LRP1B: variants seen among roughly 807,000 people sequenced by gnomAD.
The protein encoded by LRP1B is LDL receptor related protein 1B, also known as low-density lipoprotein receptor-related protein 1B.
LRP1B carries 217 observed loss-of-function variants against 556.6 expected under a neutral mutation model. That is an observed-to-expected ratio of 0.39 (90% CI 0.35 to 0.44). The LOEUF (loss-of-function observed/expected upper bound fraction) is 0.44. LRP1B is among the 20% of genes least tolerant of loss of function. LRP1B has a pLI of 1.00. For missense variants in LRP1B, 5,053 were observed against 5,620.8 expected, an observed-to-expected ratio of 0.90 and a Z score of 3.23; for synonymous variants, 2,047 against 1,865.8, an observed-to-expected ratio of 1.10 and a Z score of -2.50.
At chr2:141,213,699 T>C (rs1682662949) in intron 6 of LRP1B, among the ~76,000 whole-genome samples, 1 of 152,224 alleles carries the variant, frequency 6.6e-6, no homozygotes, top group Non-Finnish European at 1.5e-5. Context: ...GTATAACCTA[T>C]GCACATGCTT....
At chr2:140,323,826 T>TATTA (rs1680302171) in intron 81 of LRP1B, 67 bp downstream of exon 81, 1 of 793,520 alleles carries the variant, frequency 1.3e-6, no homozygotes, top group African/African-American at 1.8e-5. Flanking sequence ...TTTAAAAATA[T>TATTA]ATTATTTTGA....
chr2:140,356,560 T>A (rs2105131002), intron 74 of LRP1B, 84 bp from the exon 75 acceptor site: 1 of 905,248 alleles, frequency 1.1e-6, no homozygotes, highest in Non-Finnish European at 1.7e-6. Flanking sequence ...TTTGAAATGG[T>A]ATTTATTATT....
intron 3 of LRP1B, among the ~76,000 whole-genome samples, chr2:141,429,775 G>T (rs1217115532): frequency 6.6e-6 from 1 of 152,134 alleles, no homozygotes; most frequent in East Asian, 1.9e-4. Context: ...GTTTGCTGAG[G>T]ATAATGGCCT....
intron 2 of LRP1B, among the ~76,000 whole-genome samples, chr2:141,542,763 G>T (rs1685305960): frequency 6.6e-6 from 1 of 152,150 alleles, no homozygotes. Context: ...AGGTAGGCAA[G>T]TGTGGATGAC....
chr2:140,948,940 A>G, intron 20 of LRP1B, among the ~76,000 whole-genome samples: 1 of 152,264 alleles, frequency 6.6e-6, no homozygotes, highest in East Asian at 1.9e-4. Flanking sequence ...TTAAGAAGTT[A>G]CAGTTTAAAG....
chr2:141,505,363 AGC>A (rs1416609200), intron 2 of LRP1B, among the ~76,000 whole-genome samples: 6 of 152,172 alleles, frequency 3.9e-5, no homozygotes, highest in Middle Eastern at 3.4e-3. Flanking sequence ...CAGAGTAAAT[AGC>A]ACATTTTAAG....
At chr2:140,798,486 G>A (rs1690394943) in intron 32 of LRP1B, among the ~76,000 whole-genome samples, 1 of 151,800 alleles carries the variant, frequency 6.6e-6, no homozygotes, top group Non-Finnish European at 1.5e-5. Context: ...GGGTTTTTTT[G>A]TTAACCAAAA....
In LRP1B at chr2:140,700,463, T is replaced by A. The variant is rs1348103951; in HGVS notation, c.6586A>T (p.Ile2196Leu). Residue 2196 changes from isoleucine to leucine, a missense_variant, in exon 41 of 91, where the codon ATA becomes TTA. By Grantham distance (5) the Ile-to-Leu change is conservative. Around this residue, in one of 5 missense-constraint regions of LRP1B, gnomAD observed 3,619 missense variants for 3,931.9 expected, o/e 0.92. Coordinates refer to ENST00000389484, the MANE Select transcript of LRP1B (RefSeq NM_018557.3). The stretch of plus-strand genomic sequence containing the variant: ...TCAGAAAGATGTATACTTTTTAATA[T>A]TGTTCTTCCTGAATACAGTAAATAG... ...EGYLLYSGRT[I>L]LKSIHLSDET... 1 of 1,613,508 alleles carries A rather than the reference T, an allele frequency of 6.2e-7. No individual in the cohort carries two copies. The highest frequency in any genetic ancestry group is 8.5e-7 in the Non-Finnish European group (1 of 1,179,642).
At chr2:141,137,953 A>G (rs1479223611) in intron 7 of LRP1B, among the ~76,000 whole-genome samples, 1 of 151,816 alleles carries the variant, frequency 6.6e-6, no homozygotes, top group Non-Finnish European at 1.5e-5. Flanking sequence ...GGTCATCACT[A>G]CCACGACTCC....
intron 7 of LRP1B, among the ~76,000 whole-genome samples, chr2:141,186,528 G>A (rs1286584222): frequency 6.6e-6 from 1 of 152,034 alleles, no homozygotes; most frequent in African/African-American, 2.4e-5. Context: ...ATTTATAAAA[G>A]AGTTGAGCAT....
At chr2:140,550,746 T>C (rs891796637) in intron 43 of LRP1B, among the ~76,000 whole-genome samples, 1 of 152,186 alleles carries the variant, frequency 6.6e-6, no homozygotes, top group Non-Finnish European at 1.5e-5. Context: ...TCGTTTGGAT[T>C]TCTTTAGAGA....
intron 79 of LRP1B, among the ~76,000 whole-genome samples, chr2:140,330,372 G>A (rs1680744380): frequency 6.6e-6 from 1 of 151,686 alleles, no homozygotes; most frequent in African/African-American, 2.4e-5. Flanking sequence ...TACTGGTACA[G>A]ACACATAGAC....
At chr2:140,740,115 A>T (rs1688087241) in intron 35 of LRP1B, among the ~76,000 whole-genome samples, 1 of 152,174 alleles carries the variant, frequency 6.6e-6, no homozygotes, top group Non-Finnish European at 1.5e-5. Flanking sequence ...AAAGTGTGGA[A>T]ATTCCTTAAA....
At position 141,795,899 on chromosome 2, in the gene LRP1B, T is replaced by TATATATATAA. The variant is rs1247641787; in HGVS notation, c.205+14379_205+14380insTTATATATAT. Among the ~76,000 whole-genome samples the TATATATATAA allele has an allele frequency of 2.9e-3, 220 of 76,946 alleles. 2 individuals carry two copies. Among genetic ancestry groups the TATATATATAA allele is most frequent in the East Asian group, 8.3e-3 (14 of 1,690 alleles). 50.5% of individuals were successfully genotyped at this position (76,946 alleles called of 152,430 possible). On this transcript the variant is annotated intron_variant, in intron 2 of 90. Coordinates refer to ENST00000389484, the MANE Select transcript of LRP1B (RefSeq NM_018557.3). The stretch of plus-strand genomic sequence containing the variant: ...ATATATATATATATATATATATATA[T>TATATATATAA]AATCTTTAAGCAAAATTTAACATGA...
intron 2 of LRP1B, among the ~76,000 whole-genome samples, chr2:141,809,292 C>T (rs1696261128): frequency 6.6e-6 from 1 of 152,088 alleles, no homozygotes; most frequent in Non-Finnish European, 1.5e-5. Context: ...TCAAAACTGT[C>T]TGCAAGACTT....
At chr2:141,289,112 G>A (rs886745670) in intron 3 of LRP1B, among the ~76,000 whole-genome samples, 3 of 151,876 alleles carry the variant, frequency 2.0e-5, no homozygotes, top group East Asian at 3.9e-4. Flanking sequence ...GGCCGGGCGC[G>A]GTGGCTTAAC....
At chr2:141,723,467 A>G (rs867235051) in intron 2 of LRP1B, among the ~76,000 whole-genome samples, 36 of 151,770 alleles carry the variant, frequency 2.4e-4, no homozygotes, top group African/African-American at 8.2e-4. Flanking sequence ...GGGTATAGCT[A>G]TAGAACTGCA....
At chr2:140,636,403 C>T (rs1684072133) in intron 41 of LRP1B, among the ~76,000 whole-genome samples, 3 of 152,076 alleles carry the variant, frequency 2.0e-5, no homozygotes, top group African/African-American at 4.8e-5. Flanking sequence ...GCCAAAATAA[C>T]TTGAGGATCA....
At chr2:140,849,381 A>C (rs1021730939) in intron 29 of LRP1B, among the ~76,000 whole-genome samples, 2 of 72,632 alleles carry the variant, frequency 2.8e-5, no homozygotes, top group Non-Finnish European at 6.3e-5. Context: ...CAAAAAAAAA[A>C]CAAAAAACAA....
Sources: allele counts gnomAD v4.1 joint callset (sites outside exome capture counted in the v4.1 genomes callset), GRCh38; gene constraint gnomAD v4.1.1; regional missense constraint gnomAD v4.1.1; transcripts MANE v1.5; gene names NCBI Gene and HGNC (gene_info 2026-07-23, HGNC 2026-07-21).